The following TYR variants were observed in gnomAD, a reference collection of about 807,000 sequenced individuals.
The protein encoded by TYR is LB24-AB.
A neutral mutation model predicts 51.5 loss-of-function variants in TYR; 58 were observed. The ratio of observed to expected loss-of-function variants is 1.13; its 90% CI spans 0.91 to 1.40. The LOEUF is 1.40. Ranked by LOEUF, TYR falls within the 40% of genes most tolerant of loss-of-function variation. The probability of loss-of-function intolerance (pLI) is 0.00; values close to 1 mark genes in which losing one functional copy is unlikely to be tolerated. For missense variants in TYR, 732 were observed against 647.4 expected, an observed-to-expected ratio of 1.13 and a Z score of -1.42; for synonymous variants, 263 against 235.2, an observed-to-expected ratio of 1.12 and a Z score of -1.08.
intron 3 of TYR, among the ~76,000 whole-genome samples, chr11:89,232,737 A>G (rs1413759730): frequency 7.0e-6 from 1 of 143,658 alleles, no homozygotes. Context: ...AATTAAAATT[A>G]TGTTTATACT....
intron 2 of TYR, chr11:89,200,650 A>G (rs1475743070): frequency 6.6e-6 from 1 of 152,080 alleles, no homozygotes; most frequent in Non-Finnish European, 1.5e-5. Context: ...TATAATTTTA[A>G]TATTTCAAAA....
At chr11:89,271,492 C>T (rs1043996857) in intron 3 of TYR, among the ~76,000 whole-genome samples, 2 of 151,842 alleles carry the variant, frequency 1.3e-5, no homozygotes, top group African/African-American at 4.8e-5. Context: ...CTGAAAAATG[C>T]TAAGAATATT....
At chr11:89,243,101 A>T (rs1944220744) in intron 3 of TYR, among the ~76,000 whole-genome samples, 1 of 152,216 alleles carries the variant, frequency 6.6e-6, no homozygotes. Context: ...AAAATTTGTT[A>T]TTCTCAAAAG....
intron 1 of TYR, among the ~76,000 whole-genome samples, chr11:89,183,979 C>T (rs1372503881): frequency 6.6e-6 from 1 of 151,826 alleles, no homozygotes; most frequent in African/African-American, 2.4e-5. Flanking sequence ...AACTTAATAC[C>T]CAGAGAGCTT....
intron 2 of TYR, among the ~76,000 whole-genome samples, chr11:89,218,684 T>G (rs1943867596): frequency 6.6e-6 from 1 of 152,170 alleles, no homozygotes; most frequent in African/African-American, 2.4e-5. Flanking sequence ...TCTAAAAACT[T>G]TTCACGTCCA....
chr11:89,240,633 C>A (rs1223088870), intron 3 of TYR, among the ~76,000 whole-genome samples: 1 of 152,012 alleles, frequency 6.6e-6, no homozygotes, highest in Non-Finnish European at 1.5e-5. Context: ...GCTTTAAGGT[C>A]ATGAACATTT....
intron 2 of TYR, among the ~76,000 whole-genome samples, chr11:89,216,843 G>T (rs972308189): frequency 6.6e-6 from 1 of 152,052 alleles, no homozygotes; most frequent in Non-Finnish European, 1.5e-5. Context: ...GTGAAAGTGG[G>T]AAGAATAGCG....
intron 3 of TYR, among the ~76,000 whole-genome samples, chr11:89,274,321 C>T (rs962445347): frequency 6.6e-6 from 1 of 151,800 alleles, no homozygotes; most frequent in African/African-American, 2.4e-5. Flanking sequence ...AAAAATTTGC[C>T]TATGTCTATA....
Position 89,295,401 on chromosome 11 carries a change from G to C in TYR, c.*35G>C, listed in dbSNP as rs940506556. 4 of 1,540,560 alleles carry C rather than the reference G, an allele frequency of 2.6e-6. No individual in the cohort carries two copies. In the African/African-American group the frequency reaches 5.4e-5, roughly 21 times the overall value. ...GCAATAGAGTAGGGCCAAAAAGCCT[G>C]ACCTCACTCTAACTCAAAGTAATGT... On this transcript the variant is annotated 3_prime_UTR_variant, in exon 5 of 5. Coordinates refer to ENST00000263321, the MANE Select transcript of TYR (RefSeq NM_000372.5).
intron 2 of TYR, among the ~76,000 whole-genome samples, chr11:89,224,694 C>T (rs1243783007): frequency 6.6e-6 from 1 of 152,180 alleles, no homozygotes; most frequent in African/African-American, 2.4e-5. Flanking sequence ...TCCACCTATC[C>T]TGAATTCATT....
At chr11:89,233,645 G>A (rs1944077942) in intron 3 of TYR, among the ~76,000 whole-genome samples, 2 of 142,242 alleles carry the variant, frequency 1.4e-5, no homozygotes, top group South Asian at 4.7e-4. Flanking sequence ...TAGCAGGCAT[G>A]AAAACAGTAT....
chr11:89,244,663 CA>C (rs1333818432), intron 3 of TYR, among the ~76,000 whole-genome samples: 1 of 151,564 alleles, frequency 6.6e-6, no homozygotes, highest in Non-Finnish European at 1.5e-5. Flanking sequence ...GTCAGAACAG[CA>C]AAAAAAGGGC....
intron 2 of TYR, among the ~76,000 whole-genome samples, chr11:89,227,567 C>T (rs1318873502): frequency 6.6e-6 from 1 of 152,110 alleles, no homozygotes; most frequent in African/African-American, 2.4e-5. Context: ...CAGGAGGGAA[C>T]ACAAATTGGC....
At chr11:89,210,747 C>A (rs1461309699) in intron 2 of TYR, among the ~76,000 whole-genome samples, 2 of 152,186 alleles carry the variant, frequency 1.3e-5, no homozygotes, top group African/African-American at 2.4e-5. Flanking sequence ...AAGGGAAGCC[C>A]ATCAGACTAA....
At chr11:89,283,894 G>C (rs1032374721) in intron 3 of TYR, 1 of 151,738 alleles carries the variant, frequency 6.6e-6, no homozygotes, top group Non-Finnish European at 1.5e-5. Context: ...AAAAGAATTT[G>C]CTGAGAGGCT....
chr11:89,194,980 G>A (rs74898755), intron 2 of TYR, among the ~76,000 whole-genome samples: 4,663 of 152,158 alleles, frequency 0.031, 94 homozygotes, highest in Non-Finnish European at 0.045. Context: ...ATCAAGATTC[G>A]GAAGCAAGTT....
At chr11:89,216,646 T>TAAAAA (rs1943836102) in intron 2 of TYR, among the ~76,000 whole-genome samples, 1 of 30,234 alleles carries the variant, frequency 3.3e-5, no homozygotes, top group African/African-American at 3.4e-4. Flanking sequence ...TTTTTCCATC[T>TAAAAA]CAAAAAAAAA....
At chr11:89,191,540 T>C (rs1943446472) in intron 2 of TYR, 122 bp downstream of exon 2, 2 of 888,528 alleles carry the variant, frequency 2.3e-6, no homozygotes, top group Non-Finnish European at 3.6e-6. Context: ...ATATGTGTTG[T>C]ATATACTTAT....
intron 3 of TYR, among the ~76,000 whole-genome samples, chr11:89,261,416 C>T (rs1385638364): frequency 6.6e-6 from 1 of 151,966 alleles, no homozygotes; most frequent in African/African-American, 2.4e-5. Context: ...AATAGGTATA[C>T]TAATACCAGA....
Sources: gnomAD v4.1 joint callset for allele counts (sites outside exome capture counted in the v4.1 genomes callset) on GRCh38, gnomAD v4.1.1 for gene constraint, MANE v1.5 for transcripts, NCBI Gene and HGNC (gene_info 2026-07-23, HGNC 2026-07-21) for gene names.